SLC24A3: variants seen among roughly 807,000 people sequenced by gnomAD.
The protein encoded by SLC24A3 is sodium/potassium/calcium exchanger 3.
A neutral mutation model predicts 75.8 loss-of-function variants in SLC24A3; 28 were observed. That is an observed-to-expected ratio of 0.37 (90% confidence interval 0.27 to 0.51). SLC24A3 has a LOEUF of 0.51. Ranked by LOEUF, SLC24A3 falls within the 20% of genes least tolerant of loss-of-function variation. SLC24A3 has a pLI of 0.94. For synonymous variants in SLC24A3, 372 were observed against 334.1 expected, an observed-to-expected ratio of 1.11 and a Z score of -1.24; for missense variants, 663 against 847.8, an observed-to-expected ratio of 0.78 and a Z score of 2.71.
intron 2 of SLC24A3, among the ~76,000 whole-genome samples, chr20:19,403,689 G>C (rs1025879480): frequency 6.6e-6 from 1 of 152,206 alleles, no homozygotes; most frequent in Non-Finnish European, 1.5e-5. Flanking sequence ...GTCACGCAGA[G>C]ATGTAGCAGC....
chr20:19,554,753 C>A (rs533890308), intron 3 of SLC24A3, among the ~76,000 whole-genome samples: 27 of 152,282 alleles, frequency 1.8e-4, no homozygotes, highest in African/African-American at 6.5e-4. Context: ...GCTGAAATAA[C>A]CTCAGTGAGT....
At chr20:19,462,324 A>T (rs1037922853) in intron 2 of SLC24A3, among the ~76,000 whole-genome samples, 10 of 151,086 alleles carry the variant, frequency 6.6e-5, no homozygotes, top group Non-Finnish European at 1.3e-4. Flanking sequence ...CAGTGGCACG[A>T]TCTCGGCTCA....
intron 2 of SLC24A3, among the ~76,000 whole-genome samples, chr20:19,299,520 C>G (rs913016248): frequency 1.3e-5 from 2 of 152,158 alleles, no homozygotes; most frequent in Admixed American, 1.3e-4. Context: ...GAAAATTTTG[C>G]CAAAACTCCT....
intron 2 of SLC24A3, among the ~76,000 whole-genome samples, chr20:19,393,572 G>A (rs1190344978): frequency 6.6e-6 from 1 of 151,930 alleles, no homozygotes; most frequent in Non-Finnish European, 1.5e-5. Flanking sequence ...TGAATAAGCT[G>A]AAAATGAAAC....
At position 19,696,907 on chromosome 20, in the gene SLC24A3, A is replaced by T; in HGVS notation, c.1602A>T (p.Arg534Ser). Residue 534 changes from arginine to serine, a missense_variant, in exon 14 of 17, where the codon AGA becomes AGT. Physicochemically the swap from Arg to Ser is moderately radical, Grantham distance 110. Transcript: ENST00000328041. ...GCATGGCCAGCCTCATTGTGGCCAGACAAGGTGGGACTTCCAGTGGCAATG... is the reference window on the plus strand; with the variant it reads ...GCATGGCCAGCCTCATTGTGGCCAGTCAAGGTGGGACTTCCAGTGGCAATG... ...PDCMASLIVARQGMGDMAVSN... is the reference protein window; with the variant it reads ...PDCMASLIVASQGMGDMAVSN... The T allele has an allele frequency of 6.7e-7, 1 of 1,482,932 alleles. No individual in the cohort carries two copies. The highest frequency in any genetic ancestry group is 1.1e-5 in the South Asian group (1 of 89,076). The allele number at this position is 1,482,932 out of a possible 1,614,324, so 91.9% of individuals were successfully genotyped here. A position where few individuals can be genotyped will look rare whatever the true frequency, so the allele number is the denominator to read the frequency against.
At chr20:19,448,195 G>A (rs551300840) in intron 2 of SLC24A3, among the ~76,000 whole-genome samples, 18 of 152,310 alleles carry the variant, frequency 1.2e-4, no homozygotes, top group Middle Eastern at 3.4e-3. Flanking sequence ...AACCCTCAAC[G>A]GTAGTTCAGA....
intron 16 of SLC24A3, among the ~76,000 whole-genome samples, chr20:19,719,740 C>T (rs1211882548): frequency 1.3e-5 from 2 of 152,174 alleles, no homozygotes; most frequent in Admixed American, 6.5e-5. Flanking sequence ...TGGACAGCTG[C>T]GTGGATGCAG....
chr20:19,631,789 A>AGTGT (rs1317875244), intron 6 of SLC24A3, among the ~76,000 whole-genome samples: 10 of 98,624 alleles, frequency 1.0e-4, no homozygotes, highest in South Asian at 3.5e-4. Flanking sequence ...TGTATGAGTG[A>AGTGT]GAGTGTGTGT....
At chr20:19,696,957 G>A (rs369676699) in intron 14 of SLC24A3, 46 bp downstream of exon 14, 7 of 740,434 alleles carry the variant, frequency 9.5e-6, no homozygotes, top group South Asian at 3.1e-5. Flanking sequence ...GAGGGAGGAG[G>A]AGAGGGAGGG....
chr20:19,650,716 T>C (rs2032192357), intron 6 of SLC24A3, among the ~76,000 whole-genome samples: 1 of 152,230 alleles, frequency 6.6e-6, no homozygotes, highest in South Asian at 2.1e-4. Context: ...GCTTAGTTTA[T>C]TATTACTATA....
intron 2 of SLC24A3, among the ~76,000 whole-genome samples, chr20:19,427,818 C>T (rs560541286): frequency 6.6e-6 from 1 of 152,238 alleles, no homozygotes; most frequent in Non-Finnish European, 1.5e-5. Context: ...TGGAAAGGGG[C>T]TTTTATCTCC....
intron 6 of SLC24A3, among the ~76,000 whole-genome samples, chr20:19,652,530 T>C (rs1359478546): frequency 6.6e-6 from 1 of 152,220 alleles, no homozygotes; most frequent in Non-Finnish European, 1.5e-5. Flanking sequence ...TCTAACATGA[T>C]TTTTCTGATG....
At chr20:19,273,519 G>C (rs142881030) in intron 1 of SLC24A3, among the ~76,000 whole-genome samples, 157 of 152,286 alleles carry the variant, frequency 1.0e-3, no homozygotes, top group African/African-American at 3.7e-3. Context: ...CCTCTGCCAG[G>C]TGCTTGCAGG....
chr20:19,409,715 A>G (rs947019942), intron 2 of SLC24A3, among the ~76,000 whole-genome samples: 2 of 152,196 alleles, frequency 1.3e-5, no homozygotes, highest in Non-Finnish European at 2.9e-5. Flanking sequence ...AAGAATTTTA[A>G]TAACATAGGA....
chr20:19,646,570 G>GT (rs1244299592), intron 6 of SLC24A3, among the ~76,000 whole-genome samples: 4 of 152,152 alleles, frequency 2.6e-5, no homozygotes, highest in Non-Finnish European at 5.9e-5. Context: ...TTTGAATAGC[G>GT]TTTTTATTGA....
chr20:19,529,125 T>C (rs73281335), intron 3 of SLC24A3, among the ~76,000 whole-genome samples: 1 of 152,282 alleles, frequency 6.6e-6, no homozygotes, highest in African/African-American at 2.4e-5. Context: ...ATTTAAAGTA[T>C]GATTCTGAAT....
chr20:19,229,878 A>G (rs982633628), intron 1 of SLC24A3, among the ~76,000 whole-genome samples: 4 of 151,118 alleles, frequency 2.6e-5, no homozygotes, highest in South Asian at 2.1e-4. Flanking sequence ...ATTCCCATTT[A>G]TGTTTTGTGT....
chr20:19,290,189 A>C (rs975815536), intron 2 of SLC24A3, among the ~76,000 whole-genome samples: 1 of 152,072 alleles, frequency 6.6e-6, no homozygotes, highest in African/African-American at 2.4e-5. Flanking sequence ...TGTGAGGCAC[A>C]CTCAAGTGTG....
In SLC24A3 at chr20:19,717,517, C is replaced by G. The variant is rs1478954687; in HGVS notation, c.1720-11C>G. 2 of 1,613,830 alleles carry G rather than the reference C, an allele frequency of 1.2e-6. No individual in the cohort carries two copies. The highest frequency in any genetic ancestry group is 1.7e-5 in the Admixed American group (1 of 60,016). ...GCTTGTCAGAAGCCTAACTCTAACC[C>G]TCTCTTACAGATCCGGCTGAATAGC... On this transcript the variant is annotated splice_polypyrimidine_tract_variant and intron_variant, in intron 15 of 16. Transcript: ENST00000328041.
Sources: gnomAD v4.1 joint callset for allele counts (sites outside exome capture counted in the v4.1 genomes callset) on GRCh38, gnomAD v4.1.1 for gene constraint, MANE v1.5 for transcripts, NCBI Gene and HGNC (gene_info 2026-07-23, HGNC 2026-07-21) for gene names.